KCNK10: variants seen among roughly 807,000 people sequenced by gnomAD.
KCNK10 encodes potassium two pore domain channel subfamily K member 10.
KCNK10 carries 25 observed loss-of-function variants against 47.7 expected under a neutral mutation model. That is an observed-to-expected ratio of 0.52 (90% CI 0.38 to 0.73). The LOEUF is 0.73. Among genes scored for constraint, KCNK10 ranks in the 30% least tolerant of loss-of-function variants. KCNK10 has a pLI of 0.00. For synonymous variants in KCNK10, 303 were observed against 285.6 expected (o/e 1.06, Z -0.61); for missense variants, 563 against 714.5 (o/e 0.79, Z 2.42).
At chr14:88,310,407 T>C (rs1281036111) in intron 1 of KCNK10, among the ~76,000 whole-genome samples, 1 of 151,938 alleles carries the variant, frequency 6.6e-6, no homozygotes, top group Non-Finnish European at 1.5e-5. Context: ...GTTTATGGAA[T>C]AACCAGATGG....
chr14:88,260,063 C>T lies in KCNK10; in HGVS notation c.402+3139G>A, dbSNP rs890818478. Among the ~76,000 whole-genome samples the T allele has an allele frequency of 3.3e-5, 5 of 152,162 alleles. No individual in the cohort carries two copies. In the East Asian group the frequency reaches 9.6e-4, roughly 29 times the overall value. On this transcript the variant is annotated intron_variant, in intron 2 of 6. Coordinates refer to ENST00000319231, the MANE Select transcript of KCNK10 (RefSeq NM_138317.3). This position sits in a 1 kb window ranked among gnomAD's most constrained non-coding sequence, Gnocchi z 4.5. ...GTTCAAGCAATTCTTCTGCCTCAGC[C>T]TCCCTAGTAGCTGGGACCACAGGTG...
At chr14:88,228,955 C>G (rs2139874423) in intron 3 of KCNK10, among the ~76,000 whole-genome samples, 1 of 152,202 alleles carries the variant, frequency 6.6e-6, no homozygotes, top group Middle Eastern at 3.4e-3. Context: ...AAGAATACCC[C>G]TCTAGAATGG....
At chr14:88,290,318 C>G (rs1282042533) in intron 1 of KCNK10, among the ~76,000 whole-genome samples, 3 of 152,268 alleles carry the variant, frequency 2.0e-5, no homozygotes, top group Admixed American at 6.5e-5. Context: ...GAAGGATTCT[C>G]CCTAAAGCCC....
rs1196536673 is a variant in KCNK10 at position 88,310,155 on chromosome 14, C to A, written c.52+12592G>T. 2.3e-3 allele frequency among the ~76,000 whole-genome samples: 54 copies of A among 23,988 alleles called. 4 individuals carry two copies. The highest frequency in any genetic ancestry group is 0.01 in the African/African-American group (54 of 5,348). 15.7% of individuals were successfully genotyped at this position (23,988 alleles called of 152,430 possible). On this transcript the variant is annotated intron_variant, in intron 1 of 6. Coordinates refer to ENST00000319231, the MANE Select transcript of KCNK10 (RefSeq NM_138317.3). ...AGCTGATGTTTTAATCCATATCTCT[C>A]TCATATACCATATCATATGGTATAT...
Position 88,184,680 on chromosome 14 carries a change from C to G in KCNK10, c.*855G>C, listed in dbSNP as rs568673821. 2 of 152,290 alleles carry G rather than the reference C, an allele frequency of 1.3e-5. No homozygotes were observed. The highest frequency in any genetic ancestry group is 2.9e-5 in the Non-Finnish European group (2 of 68,028). The allele number at this position is 152,290 out of a possible 1,614,324, so 9.4% of individuals were successfully genotyped here. ...CCCCTCTTATCAAAACAAGTTATAACCAAAGTACATGGACATTTCCAAATC... is the reference window on the plus strand; with the variant it reads ...CCCCTCTTATCAAAACAAGTTATAAGCAAAGTACATGGACATTTCCAAATC... On this transcript the variant is annotated 3_prime_UTR_variant, in exon 7 of 7. Transcript: ENST00000319231.
At chr14:88,317,438 C>T (rs1239464591) in intron 1 of KCNK10, among the ~76,000 whole-genome samples, 3 of 152,192 alleles carry the variant, frequency 2.0e-5, no homozygotes, top group Non-Finnish European at 4.4e-5. Context: ...ATAAGCACAA[C>T]CTGCTGAAAA....
chr14:88,183,989 G>C lies in KCNK10; in HGVS notation c.*1546C>G, dbSNP rs2139816933. 2 of 152,506 alleles carry C rather than the reference G, an allele frequency of 1.3e-5. No individual in the cohort carries two copies. The highest frequency in any genetic ancestry group is 3.4e-3 in the Middle Eastern group (1 of 296). The allele number at this position is 152,506 out of a possible 1,614,324, so 9.4% of individuals were successfully genotyped here. On this transcript the variant is annotated 3_prime_UTR_variant, in exon 7 of 7. Coordinates refer to ENST00000319231, the MANE Select transcript of KCNK10 (RefSeq NM_138317.3). Reference sequence around the variant, plus strand: ...AACACCCATAACCAGCAACTGCCTGGTGTTGCCAGGTCCAAATGCTTTCAC... The same window carrying C: ...AACACCCATAACCAGCAACTGCCTGCTGTTGCCAGGTCCAAATGCTTTCAC...
chr14:88,273,786 T>G (rs1887463411), intron 1 of KCNK10, among the ~76,000 whole-genome samples: 1 of 152,222 alleles, frequency 6.6e-6, no homozygotes, highest in Non-Finnish European at 1.5e-5. Context: ...AAATGCTTCC[T>G]GAATATCATA....
At chr14:88,198,175 C>G (rs923540920) in intron 4 of KCNK10, among the ~76,000 whole-genome samples, 1 of 152,188 alleles carries the variant, frequency 6.6e-6, no homozygotes, top group African/African-American at 2.4e-5. Context: ...GTCAGGCATT[C>G]AGAAGGTAGG....
At chr14:88,188,220 G>T in intron 5 of KCNK10, 111 bp from the exon 6 acceptor site, 1 of 1,316,372 alleles carries the variant, frequency 7.6e-7, no homozygotes, top group Non-Finnish European at 1.1e-6. Flanking sequence ...TTAACACTCA[G>T]CTGTTAGGTT....
Position 88,222,654 on chromosome 14 carries a change from G to A in KCNK10, c.681+4721C>T, listed in dbSNP as rs79305154. The stretch of plus-strand genomic sequence containing the variant: ...ACTGCACATGTGTGTAGGGGCAAGG[G>A]GATATGGGATATCTCTGTATCTTCC... On this transcript the variant is annotated intron_variant, in intron 4 of 6. Transcript: ENST00000319231. Among the ~76,000 whole-genome samples the A allele has an allele frequency of 2.6e-5, 4 of 152,202 alleles. No homozygotes were observed. In the South Asian group the frequency reaches 8.3e-4, roughly 32 times the overall value.
intron 3 of KCNK10, 33 bp from the exon 4 acceptor site, chr14:88,227,568 C>G (rs762885818): frequency 2.5e-5 from 39 of 1,559,460 alleles, no homozygotes; most frequent in Non-Finnish European, 3.0e-5. Context: ...GGGAGAGTGG[C>G]AGAGAAATTA....
chr14:88,239,783 C>T (rs1886399440), intron 3 of KCNK10, among the ~76,000 whole-genome samples: 1 of 151,814 alleles, frequency 6.6e-6, no homozygotes, highest in South Asian at 2.1e-4. Flanking sequence ...CACTTGAACC[C>T]GTGAGGCGGA....
chr14:88,238,754 T>C (rs1886367886), intron 3 of KCNK10, among the ~76,000 whole-genome samples: 1 of 152,234 alleles, frequency 6.6e-6, no homozygotes, highest in African/African-American at 2.4e-5. Flanking sequence ...TGTTGGCCTG[T>C]TTCAGAGTTC....
chr14:88,188,993 A>G (rs1278960650), intron 5 of KCNK10, among the ~76,000 whole-genome samples: 1 of 152,222 alleles, frequency 6.6e-6, no homozygotes, highest in African/African-American at 2.4e-5. Context: ...ATCAGCCTCA[A>G]TCTCTCTCTG....
chr14:88,266,358 C>A (rs1195362176), intron 1 of KCNK10, among the ~76,000 whole-genome samples: 1 of 152,162 alleles, frequency 6.6e-6, no homozygotes, highest in East Asian at 1.9e-4. Context: ...CAGCCAGTAA[C>A]CCCTTCCCCA....
intron 1 of KCNK10, among the ~76,000 whole-genome samples, chr14:88,291,557 G>C (rs1274123036): frequency 1.3e-5 from 2 of 152,252 alleles, no homozygotes; most frequent in African/African-American, 4.8e-5. Context: ...GGCAGAAGGG[G>C]GTCTCAGCAT....
upstream of KCNK10, among the ~76,000 whole-genome samples, chr14:88,325,571 A>G (rs1014573329): frequency 4.6e-5 from 7 of 152,188 alleles, no homozygotes; most frequent in Admixed American, 2.0e-4. Context: ...CATGCTCTCC[A>G]TGCCAGAACC....
chr14:88,186,117 G>A lies in KCNK10; in HGVS notation c.1050C>T (p.Ala350=), dbSNP rs537383564. 1 of 1,605,488 alleles carries A rather than the reference G, an allele frequency of 6.2e-7. No individual in the cohort carries two copies. The highest frequency in any genetic ancestry group is 2.2e-5 in the East Asian group (1 of 44,748). Reference sequence around the variant, plus strand: ...TCTCCCGGAACTCAGCCGTGACATTGGCCTTCCACTCTGCCGCATGGGCCT... The same window carrying A: ...TCTCCCGGAACTCAGCCGTGACATTAGCCTTCCACTCTGCCGCATGGGCCT... ...EIKAHAAEWK[A]NVTAEFRETR... is the part of the protein sequence containing the mutation. The change falls in exon 7 of 7, where the codon GCC becomes GCT. Residue 350 remains alanine, a synonymous_variant. Coordinates refer to ENST00000319231, the MANE Select transcript of KCNK10 (RefSeq NM_138317.3). The surrounding 1 kb of genome is among the most constrained non-coding windows in gnomAD (Gnocchi z 5.5).
Sources: allele counts gnomAD v4.1 joint callset (sites outside exome capture counted in the v4.1 genomes callset), GRCh38; gene constraint gnomAD v4.1.1; non-coding constraint Gnocchi (gnomAD v3.1); transcripts MANE v1.5; gene names NCBI Gene and HGNC (gene_info 2026-07-23, HGNC 2026-07-21).